CEP112: variants seen among roughly 807,000 people sequenced by gnomAD.
The protein encoded by CEP112 is centrosomal protein of 112 kDa.
In CEP112, 127 loss-of-function variants were observed where a neutral mutation model predicts 153.0. The observed-to-expected ratio is 0.83, with a 90% CI of 0.72 to 0.96. The LOEUF (loss-of-function observed/expected upper bound fraction) is 0.96, where lower values mean the gene tolerates loss of function less well. Among genes scored for constraint, CEP112 ranks in the 40% least tolerant of loss-of-function variants. The probability of loss-of-function intolerance (pLI) is 0.00; values close to 1 mark genes in which losing one functional copy is unlikely to be tolerated. For missense variants in CEP112, 1,089 were observed against 1,101.2 expected, an observed-to-expected ratio of 0.99 and a Z score of 0.16; for synonymous variants, 358 against 374.4, an observed-to-expected ratio of 0.96 and a Z score of 0.51.
intron 11 of CEP112, among the ~76,000 whole-genome samples, chr17:66,058,409 A>G (rs2066790499): frequency 6.6e-6 from 1 of 152,154 alleles, no homozygotes; most frequent in Non-Finnish European, 1.5e-5. Flanking sequence ...ACAAAATAAA[A>G]ACTAGAAAAG....
chr17:66,061,098 C>A (rs2066905167), intron 11 of CEP112, among the ~76,000 whole-genome samples: 1 of 151,892 alleles, frequency 6.6e-6, no homozygotes, highest in Non-Finnish European at 1.5e-5. Flanking sequence ...TAAAAAATAA[C>A]CTAATGACTT....
chr17:65,669,895 T>G (rs2046894333), intron 24 of CEP112, among the ~76,000 whole-genome samples: 1 of 134,580 alleles, frequency 7.4e-6, no homozygotes, highest in South Asian at 2.4e-4. Flanking sequence ...AGAGCGAGAC[T>G]TCGTCTTGAA....
intron 4 of CEP112, among the ~76,000 whole-genome samples, chr17:66,173,679 C>A (rs1487547231): frequency 1.3e-5 from 2 of 152,124 alleles, no homozygotes; most frequent in Non-Finnish European, 2.9e-5. Context: ...TCTCTTTATA[C>A]CTCCATATAA....
intron 21 of CEP112, among the ~76,000 whole-genome samples, chr17:65,759,880 T>G (rs1438455725): frequency 3.3e-5 from 5 of 152,206 alleles, no homozygotes; most frequent in African/African-American, 1.2e-4. Flanking sequence ...AAATCTGTTG[T>G]AAGTACAAAG....
Position 65,760,005 on chromosome 17 carries a change from A to G in CEP112, c.2395-9281T>C, listed in dbSNP as rs1450333577. 1.3e-5 allele frequency among the ~76,000 whole-genome samples: 2 copies of G among 152,202 alleles called. 1 individual carries two copies. Among genetic ancestry groups the G allele is most frequent in the Non-Finnish European group, 2.9e-5 (2 of 68,030 alleles). ...AGTTATTATAGACGTATACCTAAGT[A>G]GTTAATTTTGGGGGTACTAATGTAA... On this transcript the variant is annotated intron_variant, in intron 21 of 26. Transcript: ENST00000535342.
intron 18 of CEP112, among the ~76,000 whole-genome samples, chr17:65,942,793 T>C (rs2061543000): frequency 6.6e-6 from 1 of 152,198 alleles, no homozygotes; most frequent in African/African-American, 2.4e-5. Flanking sequence ...GTATATTGGA[T>C]GAGCATCTGG....
At chr17:65,902,667 C>G (rs1046051366) in intron 19 of CEP112, among the ~76,000 whole-genome samples, 1 of 151,896 alleles carries the variant, frequency 6.6e-6, no homozygotes, top group African/African-American at 2.4e-5. Context: ...GTTAATAGTA[C>G]GCTTTGCTTT....
intron 18 of CEP112, among the ~76,000 whole-genome samples, chr17:65,936,896 G>C (rs1050584077): frequency 6.7e-6 from 1 of 148,450 alleles, no homozygotes; most frequent in Non-Finnish European, 1.5e-5. Flanking sequence ...CCACCGTCTC[G>C]GCTCACTGCA....
At chr17:65,848,785 A>G (rs1451545426) in intron 21 of CEP112, among the ~76,000 whole-genome samples, 2 of 152,160 alleles carry the variant, frequency 1.3e-5, no homozygotes, top group African/African-American at 4.8e-5. Flanking sequence ...TACATTCCTG[A>G]TCGATTTATA....
At chr17:65,650,931 G>GTA (rs972889069) in intron 24 of CEP112, among the ~76,000 whole-genome samples, 7 of 151,160 alleles carry the variant, frequency 4.6e-5, no homozygotes, top group East Asian at 1.9e-4. Flanking sequence ...TATTTTTTAT[G>GTA]TATATATATA....
At chr17:65,798,553 T>A (rs1464690048) in intron 21 of CEP112, among the ~76,000 whole-genome samples, 1 of 152,162 alleles carries the variant, frequency 6.6e-6, no homozygotes, top group African/African-American at 2.4e-5. Context: ...ATCTCCCTAC[T>A]CTCCTATGTT....
At position 66,012,221 on chromosome 17, in the gene CEP112, A is replaced by G. The variant is rs1301471294; in HGVS notation, c.1657-6452T>C. Among the ~76,000 whole-genome samples the G allele has an allele frequency of 2.0e-5, 3 of 152,246 alleles. No individual in the cohort carries two copies. In the East Asian group the frequency reaches 5.8e-4, roughly 29 times the overall value. ...GCCTTTTAATTAGGGCATTTTGCCC[A>G]TTTACATTCAAGGTTAGTATTGATA... On this transcript the variant is annotated intron_variant, in intron 16 of 26. Coordinates refer to ENST00000535342, the MANE Select transcript of CEP112 (RefSeq NM_001199165.4).
chr17:65,971,576 G>T (rs73338624), intron 17 of CEP112, among the ~76,000 whole-genome samples: 10,027 of 152,098 alleles, frequency 0.066, 485 homozygotes, highest in African/African-American at 0.12. Context: ...TATGTATATG[G>T]CATGTATATT....
At chr17:65,826,406 C>T in intron 21 of CEP112, 2 of 1,575,554 alleles carry the variant, frequency 1.3e-6, no homozygotes, top group Non-Finnish European at 1.7e-6. Flanking sequence ...CACAGCCTCC[C>T]TCCCCTGATA....
In CEP112 at chr17:65,951,749, C is replaced by CCCCTCCG. The variant is rs71160510; in HGVS notation, c.1872+9713_1872+9714insCGGAGGG. 1.8e-4 allele frequency among the ~76,000 whole-genome samples: 19 copies of CCCCTCCG among 106,148 alleles called. 1 individual carries two copies. The highest frequency in any genetic ancestry group is 2.8e-4 in the Non-Finnish European group (14 of 50,360). The allele number at this position is 106,148 out of a possible 152,430, so 69.6% of individuals were successfully genotyped here. A position where few individuals can be genotyped will look rare whatever the true frequency, so the allele number is the denominator to read the frequency against. On this transcript the variant is annotated intron_variant, in intron 18 of 26. Transcript: ENST00000535342. ...TCTGCTCTAATCTTCCCCCGCCCCC[C>CCCCTCCG]CCTTTCTTCCACTTGCTTAGAAGCT... is the stretch of plus-strand genomic sequence containing the variant.
intron 19 of CEP112, among the ~76,000 whole-genome samples, chr17:65,911,354 T>C (rs2060275843): frequency 6.6e-6 from 1 of 152,156 alleles, no homozygotes; most frequent in Non-Finnish European, 1.5e-5. Context: ...AATAGACTGG[T>C]ATAAGTAGGT....
intron 21 of CEP112, among the ~76,000 whole-genome samples, chr17:65,841,881 C>T (rs1276488459): frequency 2.1e-5 from 3 of 144,512 alleles, no homozygotes; most frequent in Admixed American, 6.9e-5. Flanking sequence ...CCCCCCAGAC[C>T]TAAACTGTGT....
intron 21 of CEP112, among the ~76,000 whole-genome samples, chr17:65,830,693 C>A (rs916226529): frequency 6.6e-6 from 1 of 152,182 alleles, no homozygotes; most frequent in African/African-American, 2.4e-5. Context: ...TCCACAAACC[C>A]CAACTGCTCT....
At chr17:66,046,838 C>T (rs142357944) in intron 12 of CEP112, among the ~76,000 whole-genome samples, 170 of 152,136 alleles carry the variant, frequency 1.1e-3, no homozygotes, top group African/African-American at 3.9e-3. Flanking sequence ...CATGCTGCAG[C>T]TGTAAGCCAG....
Sources: allele counts gnomAD v4.1 joint callset (sites outside exome capture counted in the v4.1 genomes callset), GRCh38; gene constraint gnomAD v4.1.1; transcripts MANE v1.5; gene names NCBI Gene and HGNC (gene_info 2026-07-23, HGNC 2026-07-21).